Variants in NUFIP1 observed in about 807,000 individuals in gnomAD.
The protein encoded by NUFIP1 is nuclear FMR1 interacting protein 1, also known as FMR1-interacting protein NUFIP1.
NUFIP1 carries 38 observed loss-of-function variants against 56.2 expected under a neutral mutation model. The observed-to-expected ratio is 0.68, with a 90% confidence interval of 0.52 to 0.89. The LOEUF (loss-of-function observed/expected upper bound fraction) is 0.89, where lower values mean the gene tolerates loss of function less well. NUFIP1 is among the 40% of genes least tolerant of loss of function. NUFIP1 has a pLI of 0.00. For missense variants in NUFIP1, 567 were observed against 605.8 expected (o/e 0.94, Z 0.67); for synonymous variants, 215 against 212.4 (o/e 1.01, Z -0.10).
Position 44,980,804 on chromosome 13 carries a change from A to G in NUFIP1, c.512T>C (p.Val171Ala), listed in dbSNP as rs1442443086. The G allele has an allele frequency of 1.9e-6, 3 of 1,599,346 alleles. No individual in the cohort carries two copies. The highest frequency in any genetic ancestry group is 1.4e-5 in the African/African-American group (1 of 73,952). Residue 171 changes from valine to alanine, a missense_variant, in exon 3 of 10, where the codon GTT becomes GCT. Val to Ala is a moderately conservative substitution (Grantham distance 64, BLOSUM62 0). Transcript: ENST00000379161. Reference protein sequence around the residue: ...KQKKKKRKEPVFHFFCDTCDR... With the variant: ...KQKKKKRKEPAFHFFCDTCDR... Reference sequence around the variant, plus strand: ...ACAGGTATCACAAAAAAAGTGAAAAACTGGTTCCTTTCTTTTCTGCAAACA... The same window carrying G: ...ACAGGTATCACAAAAAAAGTGAAAAGCTGGTTCCTTTCTTTTCTGCAAACA...
chr13:44,949,900 A>G (rs1040605139), intron 7 of NUFIP1, 62 bp from the exon 8 acceptor site: 7 of 990,214 alleles, frequency 7.1e-6, no homozygotes, highest in Admixed American at 1.7e-5. Context: ...TCCATCCCCC[A>G]TTCCCTCATT....
rs1471423055 is a variant in NUFIP1 at position 44,967,510 on chromosome 13, AG to A, written c.735-1575del. Among the ~76,000 whole-genome samples, 3 of 152,136 alleles carry A rather than the reference AG, an allele frequency of 2.0e-5. No homozygotes were observed. The East Asian group carries it at 5.8e-4, about 29-fold the overall frequency. ...GCGACACAGAAAGACTCTGTCTCAC[AG>A]AAAAAAAAAAAGTGAAAGAGATATC... On this transcript the variant is annotated intron_variant, in intron 5 of 9. Transcript: ENST00000379161.
At chr13:44,957,146 C>A (rs1433150449) in intron 7 of NUFIP1, among the ~76,000 whole-genome samples, 8 of 152,100 alleles carry the variant, frequency 5.3e-5, no homozygotes, top group South Asian at 2.1e-4. Context: ...ATGTTCCCAT[C>A]CTTGACCCTC....
intron 8 of NUFIP1, among the ~76,000 whole-genome samples, chr13:44,945,257 T>C (rs572617823): frequency 6.6e-6 from 1 of 152,000 alleles, no homozygotes; most frequent in South Asian, 2.1e-4. Context: ...ATTAACAACT[T>C]AGGTGAAGCA....
intron 6 of NUFIP1, among the ~76,000 whole-genome samples, chr13:44,961,919 G>C (rs1442906294): frequency 1.3e-5 from 2 of 152,222 alleles, no homozygotes; most frequent in East Asian, 3.8e-4. Flanking sequence ...TGAGAAAGTA[G>C]TGTATCTGTT....
chr13:44,954,520 C>T lies in NUFIP1; in HGVS notation c.1022-4682G>A, dbSNP rs74415068. On this transcript the variant is annotated intron_variant, in intron 7 of 9. Coordinates refer to ENST00000379161, the MANE Select transcript of NUFIP1 (RefSeq NM_012345.3). ...AAAGGAAAGTAGCAAAATAACATTG[C>T]CCTTTGAATGCCTTGTCCGCTCTAA... Among the ~76,000 whole-genome samples, 947 of 152,188 alleles carry T rather than the reference C, an allele frequency of 6.2e-3. 11 individuals carry two copies. Among genetic ancestry groups the T allele is most frequent in the African/African-American group, 0.021 (892 of 41,506 alleles).
chr13:44,976,881 C>CT (rs1431098874), intron 5 of NUFIP1, among the ~76,000 whole-genome samples: 1 of 152,176 alleles, frequency 6.6e-6, no homozygotes, highest in Non-Finnish European at 1.5e-5. Flanking sequence ...AACAAGCCCA[C>CT]TCCCTTGACA....
intron 8 of NUFIP1, among the ~76,000 whole-genome samples, chr13:44,943,907 G>A (rs1174663183): frequency 6.6e-6 from 1 of 152,150 alleles, no homozygotes; most frequent in Non-Finnish European, 1.5e-5. Context: ...GCTACAGAAA[G>A]TGATCTCTAT....
At chr13:44,985,613 TGTGATCA>T (rs1288291681) in intron 1 of NUFIP1, among the ~76,000 whole-genome samples, 1 of 152,258 alleles carries the variant, frequency 6.6e-6, no homozygotes, top group Non-Finnish European at 1.5e-5. Context: ...TATACTGATC[TGTGATCA>T]GTGATCTTTG....
In NUFIP1 at chr13:44,979,211, C is replaced by T. The variant is rs957957242; in HGVS notation, c.713G>A (p.Arg238Gln). The change falls in exon 5 of 10, where the codon CGG becomes CAG. Residue 238 changes from arginine (R) to glutamine (Q), a missense_variant. By Grantham distance (43) the Arg-to-Gln change is conservative. Transcript: ENST00000379161. ...IKLDTPEEIARWREERRKNYP... is the reference protein window; with the variant it reads ...IKLDTPEEIAQWREERRKNYP... Reference sequence around the variant, plus strand: ...TCACTTCCTTCTTTCTTCCCTCCACCGTGCAATTTCCTCTGGAGTGTCTAA... The same window carrying T: ...TCACTTCCTTCTTTCTTCCCTCCACTGTGCAATTTCCTCTGGAGTGTCTAA... 69 of 1,613,294 alleles carry T rather than the reference C, an allele frequency of 4.3e-5. No individual in the cohort carries two copies. The highest frequency in any genetic ancestry group is 5.3e-5 in the Non-Finnish European group (62 of 1,179,678).
intron 1 of NUFIP1, among the ~76,000 whole-genome samples, chr13:44,988,741 A>C (rs755835348): frequency 5.9e-5 from 9 of 152,234 alleles, no homozygotes; most frequent in Non-Finnish European, 1.3e-4. Context: ...CAAAGGATTT[A>C]CAATATTATA....
Position 44,943,615 on chromosome 13 carries a change from C to T in NUFIP1, c.1198G>A (p.Ala400Thr). The T allele has an allele frequency of 6.2e-7, 1 of 1,614,076 alleles. No homozygotes were observed. Among genetic ancestry groups the T allele is most frequent in the Non-Finnish European group, 8.5e-7 (1 of 1,180,000 alleles). The stretch of plus-strand genomic sequence containing the variant: ...ACATCTTGACTTGGACTCTTAGGAG[C>T]ACTGCTATCAAGAACCTGGTTTTCT... ...LAENQVLDSSAPKSPSQDVKA... is the reference protein window; with the variant it reads ...LAENQVLDSSTPKSPSQDVKA... The change falls in exon 9 of 10, where the codon GCT (alanine) becomes ACT (threonine). Residue 400 changes from alanine to threonine, a missense_variant. Physicochemically the swap from Ala to Thr is moderately conservative, Grantham distance 58. Coordinates refer to ENST00000379161, the MANE Select transcript of NUFIP1 (RefSeq NM_012345.3).
chr13:44,979,258 A>G lies in NUFIP1; in HGVS notation c.666T>C (p.Ala222=), dbSNP rs1165417604. The change falls in exon 5 of 10, where the codon GCT becomes GCC. Residue 222 remains alanine, a synonymous_variant. Transcript: ENST00000379161. Reference sequence around the variant, plus strand: ...CTAACTTGATCTTCTTCATGCCAGGAGCATGCATCTAGGGGGAAAAAGCCT... The same window carrying G: ...CTAACTTGATCTTCTTCATGCCAGGGGCATGCATCTAGGGGGAAAAAGCCT... ...IVQFHWRNMH[A]PGMKKIKLDT... The G allele has an allele frequency of 1.9e-6, 3 of 1,613,172 alleles. No homozygotes were observed. The highest frequency in any genetic ancestry group is 2.2e-5 in the South Asian group (2 of 90,862).
chr13:44,963,471 G>A (rs1210500412), intron 6 of NUFIP1, among the ~76,000 whole-genome samples: 1 of 152,130 alleles, frequency 6.6e-6, no homozygotes, highest in African/African-American at 2.4e-5. Context: ...GGGAGGTGGG[G>A]GAGTGATCAC....
intron 5 of NUFIP1, among the ~76,000 whole-genome samples, chr13:44,978,920 T>C (rs936312851): frequency 1.3e-5 from 2 of 152,150 alleles, no homozygotes; most frequent in African/African-American, 4.8e-5. Flanking sequence ...TACCCACCCA[T>C]TATTGCCTCA....
intron 7 of NUFIP1, among the ~76,000 whole-genome samples, chr13:44,954,366 G>A (rs1432675701): frequency 1.3e-5 from 2 of 151,956 alleles, no homozygotes; most frequent in African/African-American, 4.8e-5. Flanking sequence ...AAAATCTAAT[G>A]CAATGATCTA....
At chr13:44,956,717 C>G (rs1871256862) in intron 7 of NUFIP1, among the ~76,000 whole-genome samples, 1 of 152,112 alleles carries the variant, frequency 6.6e-6, no homozygotes, top group South Asian at 2.1e-4. Context: ...TGACAGGAGG[C>G]GGAGCTCACA....
chr13:44,965,872 CTCTCT>C lies in NUFIP1; in HGVS notation c.794_798del (p.Lys265ArgfsTer39), dbSNP rs1282683037. On this transcript the variant is annotated frameshift_variant, in exon 6 of 10. Coordinates refer to ENST00000379161, the MANE Select transcript of NUFIP1 (RefSeq NM_012345.3). LOFTEE classifies it high-confidence loss of function. The stretch of plus-strand genomic sequence containing the variant: ...TATTGTGTTGTTGTCAATACTGCTC[CTCTCT>C]TCTCCTTTTCAAGTTTTAACTTCTT... 6.2e-7 allele frequency: 1 copy of C among 1,600,156 alleles called. No homozygotes were observed. Among genetic ancestry groups the C allele is most frequent in the Non-Finnish European group, 8.5e-7 (1 of 1,174,692 alleles).
intron 9 of NUFIP1, among the ~76,000 whole-genome samples, chr13:44,942,243 T>C (rs1214514739): frequency 2.6e-5 from 4 of 152,220 alleles, no homozygotes; most frequent in Non-Finnish European, 5.9e-5. Flanking sequence ...TTTGTGCTTA[T>C]TGTAATTAAA....
Sources: allele counts gnomAD v4.1 joint callset (sites outside exome capture counted in the v4.1 genomes callset), GRCh38; gene constraint gnomAD v4.1.1; transcripts MANE v1.5; gene names NCBI Gene and HGNC (gene_info 2026-07-23, HGNC 2026-07-21).